TBXAS1: variants seen among roughly 807,000 people sequenced by gnomAD.
TBXAS1 encodes the protein thromboxane-A synthase.
Under a neutral mutation model 60.7 loss-of-function variants are expected in TBXAS1, and 48 were observed. That is an observed-to-expected ratio of 0.79 (90% CI 0.63 to 1.01). The LOEUF is 1.01. Among genes scored for constraint, TBXAS1 ranks in the 50% least tolerant of loss-of-function variants. TBXAS1 has a pLI of 0.00. For missense variants in TBXAS1, 685 were observed against 686.3 expected, an observed-to-expected ratio of 1.00 and a Z score of 0.02; for synonymous variants, 287 against 269.7, an observed-to-expected ratio of 1.06 and a Z score of -0.63.
At chr7:139,960,848 G>C (rs1810278298) in intron 8 of TBXAS1, among the ~76,000 whole-genome samples, 1 of 152,048 alleles carries the variant, frequency 6.6e-6, no homozygotes, top group Admixed American at 6.5e-5. Flanking sequence ...AGAGTACTTT[G>C]CATGAAATTC....
chr7:139,869,774 C>A (rs1300719319), intron 1 of TBXAS1, among the ~76,000 whole-genome samples: 1 of 152,192 alleles, frequency 6.6e-6, no homozygotes, highest in African/African-American at 2.4e-5. Flanking sequence ...GAGGTTAGGA[C>A]TTCAACTTAT....
chr7:139,845,366 A>G (rs1007642652), intron 1 of TBXAS1, among the ~76,000 whole-genome samples: 2 of 152,034 alleles, frequency 1.3e-5, no homozygotes, highest in African/African-American at 4.8e-5. Flanking sequence ...CCTGGCTCCC[A>G]GGTGCTCACA....
In TBXAS1 at chr7:139,916,621, G is replaced by A. The variant is rs1226655514; in HGVS notation, c.333+5300G>A. Among the ~76,000 whole-genome samples, 1 of 152,210 alleles carries A rather than the reference G, an allele frequency of 6.6e-6. No individual in the cohort carries two copies. The highest frequency in any genetic ancestry group is 1.9e-4 in the East Asian group (1 of 5,202). ...CACACAGCTGTGAACATTGCAGGAT[G>A]AGTCACTGTGAAACCACAAACTCCT... On this transcript the variant is annotated intron_variant, in intron 4 of 12. Transcript: ENST00000448866. This position sits in a 1 kb window ranked among gnomAD's most constrained non-coding sequence, Gnocchi z 4.2.
chr7:139,946,645 AG>A lies in TBXAS1; in HGVS notation c.451-6722del, dbSNP rs376094580. On this transcript the variant is annotated intron_variant, in intron 5 of 12. Transcript: ENST00000448866. ...CAAGAAAAGAGAAGAGAATGATTCC[AG>A]TAGTCCAAACCAGCCTGGGAGGACG... 5.1e-4 allele frequency among the ~76,000 whole-genome samples: 77 copies of A among 152,334 alleles called. No individual in the cohort carries two copies. The Middle Eastern group carries it at 0.024, about 47-fold the overall frequency.
At position 139,951,909 on chromosome 7, in the gene TBXAS1, G is replaced by GAAAGAA. The variant is rs199691289; in HGVS notation, c.451-1457_451-1452dup. Among the ~76,000 whole-genome samples the GAAAGAA allele has an allele frequency of 2.5e-4, 18 of 71,284 alleles. 1 individual carries two copies. The highest frequency in any genetic ancestry group is 9.2e-4 in the African/African-American group (16 of 17,456). The allele number at this position is 71,284 out of a possible 152,430, so 46.8% of individuals were successfully genotyped here. On this transcript the variant is annotated intron_variant, in intron 5 of 12. Transcript: ENST00000448866. ...AAGGAAGGAAGGAAGGAAAGAAAGA[G>GAAAGAA]AAAGAAAGAGAGAAAGAAAGAGAGA...
At chr7:139,881,463 T>A (rs34765434) in intron 3 of TBXAS1, among the ~76,000 whole-genome samples, 16 of 151,420 alleles carry the variant, frequency 1.1e-4, no homozygotes, top group African/African-American at 3.6e-4. Flanking sequence ...TTTCCCCCCC[T>A]CCAGGAGGGT....
At chr7:139,892,583 ACT>A (rs1284891316) in intron 3 of TBXAS1, among the ~76,000 whole-genome samples, 1 of 152,102 alleles carries the variant, frequency 6.6e-6, no homozygotes, top group Non-Finnish European at 1.5e-5. Flanking sequence ...ACAGAGTGAG[ACT>A]CTGTCTCAGA....
At position 139,955,597 on chromosome 7, in the gene TBXAS1, G is replaced by A. The variant is rs528780783; in HGVS notation, c.678G>A (p.Leu226=). Residue 226 remains leucine (L), a synonymous_variant, in exon 7 of 13, where the codon CTG becomes CTA. Transcript: ENST00000448866. ...AATTCTGCATCCCCAGACCTATCCT[G>A]GTTTTACTCTGTAAGTGCGGCTGCA... ...FFEFCIPRPI[L]VLLLSFPSIM... is the part of the protein sequence containing the mutation. The A allele has an allele frequency of 3.7e-6, 6 of 1,614,180 alleles. No individual in the cohort carries two copies. In the Admixed American group the frequency reaches 6.7e-5, roughly 18 times the overall value.
At chr7:139,803,582 G>A (rs1463832457) in intron 4 of TBXAS1, among the ~76,000 whole-genome samples, 2 of 152,198 alleles carry the variant, frequency 1.3e-5, no homozygotes, top group South Asian at 2.1e-4. Context: ...TCCAGGGTAT[G>A]TCAGAGACCT....
intron 4 of TBXAS1, among the ~76,000 whole-genome samples, chr7:139,809,153 G>GTAGATAGATAGATAGATAGATAGATAGA: frequency 6.7e-6 from 1 of 150,160 alleles, no homozygotes; most frequent in African/African-American, 2.5e-5. Flanking sequence ...TAGGAGATAG[G>GTAGATAGATAGATAGATAGATAGATAGA]TAGATAGATA....
chr7:139,911,739 G>A (rs1441041731), intron 4 of TBXAS1, among the ~76,000 whole-genome samples: 3 of 152,178 alleles, frequency 2.0e-5, no homozygotes, highest in Non-Finnish European at 2.9e-5. Flanking sequence ...AGAGTATTAA[G>A]GCTGGAAAGG....
intron 9 of TBXAS1, among the ~76,000 whole-genome samples, chr7:139,983,007 A>G (rs1157363745): frequency 6.6e-6 from 1 of 152,206 alleles, no homozygotes; most frequent in Non-Finnish European, 1.5e-5. Context: ...TCTGGGATCC[A>G]CATTTACTTG....
chr7:139,877,895 T>A (rs1208843253), intron 3 of TBXAS1, among the ~76,000 whole-genome samples: 1 of 152,128 alleles, frequency 6.6e-6, no homozygotes, highest in Non-Finnish European at 1.5e-5. Flanking sequence ...TTGGAGACTG[T>A]CTCATATGCC....
chr7:139,808,071 C>G (rs147957550), intron 4 of TBXAS1, among the ~76,000 whole-genome samples: 10 of 152,048 alleles, frequency 6.6e-5, no homozygotes, highest in Admixed American at 5.9e-4. Flanking sequence ...GTAGCTTATA[C>G]CTGTAATCCC....
intron 4 of TBXAS1, among the ~76,000 whole-genome samples, chr7:139,801,840 T>C (rs1438337480): frequency 6.6e-6 from 1 of 152,188 alleles, no homozygotes; most frequent in Non-Finnish European, 1.5e-5. Flanking sequence ...ATCTGCTCTC[T>C]GCAACCTCTG....
intron 4 of TBXAS1, among the ~76,000 whole-genome samples, chr7:139,789,024 C>T (rs891210735): frequency 1.8e-4 from 28 of 152,158 alleles, no homozygotes; most frequent in African/African-American, 6.5e-4. Flanking sequence ...TTAGCAAAAG[C>T]AGAATATAAC....
At chr7:139,995,376 G>T (rs144313377) in intron 9 of TBXAS1, among the ~76,000 whole-genome samples, 1 of 152,298 alleles carries the variant, frequency 6.6e-6, no homozygotes, top group Non-Finnish European at 1.5e-5. Flanking sequence ...GATGGGAAAT[G>T]CAGGAGGGGT....
chr7:139,809,928 G>T (rs2116395065), intron 4 of TBXAS1, among the ~76,000 whole-genome samples: 1 of 152,268 alleles, frequency 6.6e-6, no homozygotes, highest in African/African-American at 2.4e-5. Flanking sequence ...GCCAATCAAG[G>T]TGACACCTAA....
intron 8 of TBXAS1, among the ~76,000 whole-genome samples, chr7:139,959,038 C>T (rs1381659523): frequency 6.7e-6 from 1 of 149,280 alleles, no homozygotes; most frequent in Non-Finnish European, 1.5e-5. Flanking sequence ...CACACACACA[C>T]GCATCCCTAG....
Sources: allele counts gnomAD v4.1 joint callset (sites outside exome capture counted in the v4.1 genomes callset), GRCh38; gene constraint gnomAD v4.1.1; non-coding constraint Gnocchi (gnomAD v3.1); transcripts MANE v1.5; gene names NCBI Gene and HGNC (gene_info 2026-07-23, HGNC 2026-07-21).